The following BABAM2 variants were observed in gnomAD, a reference collection of about 807,000 sequenced individuals.
BABAM2 encodes BRISC and BRCA1 A complex member 2.
Under a neutral mutation model 54.7 loss-of-function variants are expected in BABAM2, and 31 were observed. The ratio of observed to expected loss-of-function variants is 0.57; its 90% CI spans 0.43 to 0.77. The LOEUF (loss-of-function observed/expected upper bound fraction) is 0.77, where lower values mean the gene tolerates loss of function less well. Among genes scored for constraint, BABAM2 ranks in the 30% least tolerant of loss-of-function variants. The probability of loss-of-function intolerance (pLI) is 0.00; values close to 1 mark genes in which losing one functional copy is unlikely to be tolerated. For missense variants in BABAM2, 364 were observed against 455.8 expected (o/e 0.80, Z 1.83); for synonymous variants, 167 against 162.9 (o/e 1.03, Z -0.19).
chr2:28,280,429 C>A (rs1215861373), intron 10 of BABAM2, among the ~76,000 whole-genome samples: 1 of 152,124 alleles, frequency 6.6e-6, no homozygotes, highest in Non-Finnish European at 1.5e-5. Context: ...TGCTCTAACT[C>A]TCAGTGGTCT....
At chr2:27,946,256 C>G (rs1170369276) in intron 3 of BABAM2, among the ~76,000 whole-genome samples, 2 of 151,928 alleles carry the variant, frequency 1.3e-5, no homozygotes, top group Non-Finnish European at 2.9e-5. Context: ...TTTTTTTTCT[C>G]TGTCTACTTG....
At chr2:28,292,064 A>G (rs1003835700) in intron 10 of BABAM2, among the ~76,000 whole-genome samples, 2 of 145,568 alleles carry the variant, frequency 1.4e-5, no homozygotes, top group East Asian at 3.8e-4. Flanking sequence ...GAACTGGAGC[A>G]TCCTGAGAGG....
intron 3 of BABAM2, among the ~76,000 whole-genome samples, chr2:27,962,150 C>A (rs887178548): frequency 2.0e-5 from 3 of 152,110 alleles, no homozygotes; most frequent in African/African-American, 7.2e-5. Flanking sequence ...CTCTGTGTCA[C>A]CCAGGCTGGA....
chr2:27,907,213 A>AT (rs1178933552), intron 2 of BABAM2, among the ~76,000 whole-genome samples: 12 of 151,786 alleles, frequency 7.9e-5, no homozygotes, highest in African/African-American at 2.9e-4. Flanking sequence ...AGTTAAGTTT[A>AT]TCCCACTGAC....
chr2:27,937,938 G>A (rs1476755492), intron 3 of BABAM2, among the ~76,000 whole-genome samples: 1 of 152,146 alleles, frequency 6.6e-6, no homozygotes, highest in African/African-American at 2.4e-5. Context: ...CATAGTTTCC[G>A]ATCTTACGTT....
At chr2:28,134,917 C>G (rs538983735) in intron 7 of BABAM2, among the ~76,000 whole-genome samples, 1 of 152,290 alleles carries the variant, frequency 6.6e-6, no homozygotes, top group Non-Finnish European at 1.5e-5. Flanking sequence ...TACATGGCAT[C>G]AGAAGCCCCC....
chr2:28,185,034 C>T lies in BABAM2; in HGVS notation c.681-52168C>T, dbSNP rs532983741. On this transcript the variant is annotated intron_variant, in intron 7 of 11. Transcript: ENST00000379624. ...TGTTACTCTCACAAGTTTACTGAAGCTGCAAAGAATAAATAAGGCTATTTA... is the reference window on the plus strand; with the variant it reads ...TGTTACTCTCACAAGTTTACTGAAGTTGCAAAGAATAAATAAGGCTATTTA... Among the ~76,000 whole-genome samples the T allele has an allele frequency of 2.6e-5, 4 of 152,220 alleles. No homozygotes were observed. The South Asian group carries it at 6.2e-4, about 24-fold the overall frequency.
chr2:28,320,432 G>A (rs1292971718), intron 11 of BABAM2, among the ~76,000 whole-genome samples: 1 of 152,208 alleles, frequency 6.6e-6, no homozygotes, highest in Non-Finnish European at 1.5e-5. Flanking sequence ...CAGCGCTGTC[G>A]CACACTCTGA....
chr2:28,041,588 G>C (rs866498422), intron 5 of BABAM2, among the ~76,000 whole-genome samples: 1 of 152,150 alleles, frequency 6.6e-6, no homozygotes. Context: ...ACTTTGATCC[G>C]TGTTAGTGCT....
intron 7 of BABAM2, among the ~76,000 whole-genome samples, chr2:28,216,692 T>A (rs2148002231): frequency 6.6e-6 from 1 of 152,332 alleles, no homozygotes; most frequent in South Asian, 2.1e-4. Flanking sequence ...AAGCACCTAC[T>A]GTGTAGAGAG....
chr2:28,115,526 G>A (rs923329200), intron 6 of BABAM2, among the ~76,000 whole-genome samples: 3 of 151,810 alleles, frequency 2.0e-5, no homozygotes, highest in South Asian at 2.1e-4. Context: ...CTCGGGAGGC[G>A]GAGGCAGGAG....
chr2:28,086,404 C>A (rs1665642950), intron 6 of BABAM2, among the ~76,000 whole-genome samples: 1 of 152,084 alleles, frequency 6.6e-6, no homozygotes, highest in East Asian at 1.9e-4. Flanking sequence ...TTAATTTAGA[C>A]CTCAACGTAA....
intron 11 of BABAM2, among the ~76,000 whole-genome samples, chr2:28,309,753 A>G (rs1051331066): frequency 2.6e-5 from 4 of 152,226 alleles, no homozygotes; most frequent in Admixed American, 2.0e-4. Flanking sequence ...CAGCACAACC[A>G]GCTGAACCAA....
At chr2:28,162,541 G>A (rs965468758) in intron 7 of BABAM2, among the ~76,000 whole-genome samples, 24 of 152,190 alleles carry the variant, frequency 1.6e-4, no homozygotes, top group African/African-American at 5.6e-4. Context: ...AGTGCCCAGC[G>A]AATGATAGCT....
At chr2:27,970,962 C>T (rs1187446972) in intron 3 of BABAM2, among the ~76,000 whole-genome samples, 1 of 152,028 alleles carries the variant, frequency 6.6e-6, no homozygotes, top group Non-Finnish European at 1.5e-5. Flanking sequence ...ACATATTTGT[C>T]AAGCTTTTAA....
intron 4 of BABAM2, among the ~76,000 whole-genome samples, chr2:28,010,342 C>A (rs1674298497): frequency 6.6e-6 from 1 of 151,934 alleles, no homozygotes; most frequent in South Asian, 2.1e-4. Flanking sequence ...TTTATTTTTT[C>A]CTTAAGAAAA....
Position 28,315,421 on chromosome 2 carries a change from T to TTTTTCTTTTCTTTTCTTTTCTTTTC in BABAM2, c.1088+16971_1088+16995dup, listed in dbSNP as rs3032180. Among the ~76,000 whole-genome samples the TTTTTCTTTTCTTTTCTTTTCTTTTC allele has an allele frequency of 8.7e-4, 96 of 110,190 alleles. 3 individuals carry two copies. Among genetic ancestry groups the TTTTTCTTTTCTTTTCTTTTCTTTTC allele is most frequent in the South Asian group, 1.7e-3 (5 of 3,010 alleles). 72.3% of individuals were successfully genotyped at this position (110,190 alleles called of 152,430 possible). ...GGTATTTCTTTGTGTGTGTGGTTCT[T>TTTTTCTTTTCTTTTCTTTTCTTTTC]TTTTCTTTTCTTTTCTTTTCTTTTC... is the stretch of plus-strand genomic sequence containing the variant. On this transcript the variant is annotated intron_variant, in intron 11 of 11. Transcript: ENST00000379624.
At chr2:28,288,940 ACT>A (rs1687048255) in intron 10 of BABAM2, among the ~76,000 whole-genome samples, 1 of 146,172 alleles carries the variant, frequency 6.8e-6, no homozygotes, top group African/African-American at 2.5e-5. Flanking sequence ...TCTTCCTGGC[ACT>A]CTACCCACTG....
At chr2:27,965,861 T>C (rs1347467615) in intron 3 of BABAM2, among the ~76,000 whole-genome samples, 1 of 152,146 alleles carries the variant, frequency 6.6e-6, no homozygotes, top group Non-Finnish European at 1.5e-5. Context: ...CTTGTTTTCT[T>C]CATATTCTTC....
Sources: gnomAD v4.1 joint callset for allele counts (sites outside exome capture counted in the v4.1 genomes callset) on GRCh38, gnomAD v4.1.1 for gene constraint, MANE v1.5 for transcripts, NCBI Gene and HGNC (gene_info 2026-07-23, HGNC 2026-07-21) for gene names.